MME: variants seen among roughly 807,000 people sequenced by gnomAD.
MME encodes the protein membrane metalloendopeptidase.
A neutral mutation model predicts 113.2 loss-of-function variants in MME; 98 were observed. The ratio of observed to expected loss-of-function variants is 0.87; its 90% CI spans 0.74 to 1.02. MME has a LOEUF of 1.02. Ranked by LOEUF, MME falls within the 50% of genes least tolerant of loss-of-function variation. The pLI is 0.00. For missense variants in MME, 836 were observed against 896.0 expected (o/e 0.93, Z 0.86); for synonymous variants, 292 against 300.6 (o/e 0.97, Z 0.30).
intron 1 of MME, among the ~76,000 whole-genome samples, chr3:155,045,200 G>T (rs1382495381): frequency 6.6e-6 from 1 of 151,186 alleles, no homozygotes; most frequent in Non-Finnish European, 1.5e-5. Flanking sequence ...CGCCAGGCTG[G>T]AGTGCAATGG....
At chr3:155,111,629 T>C (rs941480050) in intron 3 of MME, among the ~76,000 whole-genome samples, 14 of 152,032 alleles carry the variant, frequency 9.2e-5, no homozygotes, top group African/African-American at 2.9e-4. Context: ...TTATTCAGAG[T>C]GTTTAAGGAC....
chr3:155,037,533 G>C (rs1255126930), intron 1 of MME, among the ~76,000 whole-genome samples: 5 of 152,136 alleles, frequency 3.3e-5, no homozygotes, highest in Non-Finnish European at 4.4e-5. Context: ...TTCAAACTGA[G>C]TGAAATCACA....
intron 1 of MME, among the ~76,000 whole-genome samples, chr3:155,057,530 T>C (rs1053856790): frequency 2.0e-5 from 3 of 152,038 alleles, no homozygotes; most frequent in Non-Finnish European, 2.9e-5. Context: ...GTTTAGATGA[T>C]TGTCATCATT....
intron 3 of MME, among the ~76,000 whole-genome samples, chr3:155,100,234 G>A (rs1278811504): frequency 6.6e-6 from 1 of 152,168 alleles, no homozygotes; most frequent in East Asian, 1.9e-4. Flanking sequence ...ATCAAAAAGT[G>A]GGCAAAGGAT....
At chr3:155,033,412 T>C (rs1423305491) in intron 1 of MME, among the ~76,000 whole-genome samples, 1 of 152,176 alleles carries the variant, frequency 6.6e-6, no homozygotes, top group East Asian at 1.9e-4. Context: ...TATTTGCAAG[T>C]TATATGTTTC....
Position 155,144,436 on chromosome 3 carries a change from A to G in MME, c.1395A>G (p.Thr465=). Residue 465 remains threonine, a synonymous_variant, in exon 14 of 23, where the codon ACA becomes ACG. Coordinates refer to ENST00000360490, the MANE Select transcript of MME (RefSeq NM_007289.4). ...LDDLTWMDAE[T]KKRAEEKALA... ...ACCTCACTTGGATGGATGCCGAGAC[A>G]AAAAAGAGAGCTGAAGAAAAGGTAA... The G allele has an allele frequency of 6.2e-7, 1 of 1,611,672 alleles. No homozygotes were observed. The highest frequency in any genetic ancestry group is 2.2e-5 in the East Asian group (1 of 44,754).
At position 155,177,110 on chromosome 3, in the gene MME, C is replaced by T. The variant is rs575769087; in HGVS notation, c.2154-3250C>T. ...AATTTTGAGATTTATAAATATAAAT[C>T]CTAAAAATACTTTTTAAGAAAAATA... On this transcript the variant is annotated intron_variant, in intron 22 of 22. Transcript: ENST00000360490. Among the ~76,000 whole-genome samples the T allele has an allele frequency of 2.6e-5, 4 of 151,984 alleles. No individual in the cohort carries two copies. In the South Asian group the frequency reaches 8.3e-4, roughly 32 times the overall value.
In MME at chr3:155,116,511, G is replaced by A. The variant is rs372337211; in HGVS notation, c.391G>A (p.Val131Ile). 1 of 1,612,694 alleles carries A rather than the reference G, an allele frequency of 6.2e-7. No individual in the cohort carries two copies. ...VLQEPKTEDI[V>I]AVQKAKALYR... ...TCAAGAACCCAAAACTGAAGATATA[G>A]TAGCAGTGCAGAAAGCAAAAGCATT... The change falls in exon 5 of 23, where the codon GTA becomes ATA. Residue 131 changes from valine to isoleucine, a missense_variant. Transcript: ENST00000360490.
At chr3:155,042,677 A>G (rs187858409) in intron 1 of MME, among the ~76,000 whole-genome samples, 1 of 151,904 alleles carries the variant, frequency 6.6e-6, no homozygotes, top group African/African-American at 2.4e-5. Flanking sequence ...TTGGATGTTA[A>G]CAAATGTTTT....
intron 2 of MME, 99 bp downstream of exon 2, chr3:155,084,426 G>A: frequency 8.3e-7 from 1 of 1,198,336 alleles, no homozygotes; most frequent in East Asian, 2.4e-5. Flanking sequence ...TAAGGATAGA[G>A]GCACTTAAAG....
At position 155,143,615 on chromosome 3, in the gene MME, A is replaced by C. The variant is rs781255414; in HGVS notation, c.1317+44A>C. 3 of 1,602,382 alleles carry C rather than the reference A, an allele frequency of 1.9e-6. No individual in the cohort carries two copies. The African/African-American group carries it at 4.0e-5, about 21-fold the overall frequency. On this transcript the variant is annotated intron_variant, in intron 13 of 22. Transcript: ENST00000360490. Reference sequence around the variant, plus strand: ...TACACTGTCAGTTATACAGGACACTATCAGTTTGTTCACACTGATGAGCAA... The same window carrying C: ...TACACTGTCAGTTATACAGGACACTCTCAGTTTGTTCACACTGATGAGCAA...
At position 155,140,195 on chromosome 3, in the gene MME, C is replaced by G. The variant is rs202094946; in HGVS notation, c.860C>G (p.Thr287Arg). 1 of 1,606,850 alleles carries G rather than the reference C, an allele frequency of 6.2e-7. No homozygotes were observed. The highest frequency in any genetic ancestry group is 1.3e-5 in the African/African-American group (1 of 74,706). Reference sequence around the variant, plus strand: ...GATTAAAAATTAAATCCATAGGCTACGGCTAAACCTGAAGATCGAAATGAT... The same window carrying G: ...GATTAAAAATTAAATCCATAGGCTAGGGCTAAACCTGAAGATCGAAATGAT... ...MELEKEIANA[T>R]AKPEDRNDPM... Residue 287 changes from threonine to arginine, a missense_variant, in exon 10 of 23, where the codon ACG becomes AGG. Coordinates refer to ENST00000360490, the MANE Select transcript of MME (RefSeq NM_007289.4).
intron 1 of MME, among the ~76,000 whole-genome samples, chr3:155,031,395 A>T (rs1224291894): frequency 6.6e-6 from 1 of 152,046 alleles, no homozygotes; most frequent in Non-Finnish European, 1.5e-5. Flanking sequence ...AATTCCAAAA[A>T]TTTGCCTAAG....
At chr3:155,046,976 A>G (rs1184520696) in intron 1 of MME, among the ~76,000 whole-genome samples, 1 of 152,226 alleles carries the variant, frequency 6.6e-6, no homozygotes, top group Non-Finnish European at 1.5e-5. Context: ...TAGAAAAGTT[A>G]CAGTAAGCTA....
chr3:155,114,127 A>T (rs1463024967), intron 3 of MME, among the ~76,000 whole-genome samples: 1 of 152,282 alleles, frequency 6.6e-6, no homozygotes, highest in East Asian at 1.9e-4. Context: ...ATGAATTCTC[A>T]ATTGCTCTTT....
intron 1 of MME, among the ~76,000 whole-genome samples, chr3:155,074,526 C>T (rs1450780658): frequency 6.6e-6 from 1 of 151,802 alleles, no homozygotes; most frequent in African/African-American, 2.4e-5. Context: ...CCGCTTCCCA[C>T]ATTCAAGCGA....
rs905332310 is a variant in MME, at chr3:155,166,802, A to G, written c.1661-100A>G. On this transcript the variant is annotated intron_variant, in intron 17 of 22. Transcript: ENST00000360490. ...TAATGCCATGGTGGCATGCGCCTGT[A>G]GTCCCAGCTACTCCTGAGGAGGGAG... is the stretch of plus-strand genomic sequence containing the variant. The G allele has an allele frequency of 5.5e-6, 8 of 1,461,400 alleles. No homozygotes were observed. In the Admixed American group the frequency reaches 1.2e-4, roughly 22 times the overall value. 90.5% of individuals were successfully genotyped at this position (1,461,400 alleles called of 1,614,324 possible).
At chr3:155,125,607 C>A (rs930186659) in intron 8 of MME, among the ~76,000 whole-genome samples, 7 of 151,534 alleles carry the variant, frequency 4.6e-5, no homozygotes, top group African/African-American at 1.7e-4. Flanking sequence ...ATTACAGGTG[C>A]CCGCCACCGC....
At chr3:155,033,841 A>T (rs748550586) in intron 1 of MME, among the ~76,000 whole-genome samples, 7 of 152,174 alleles carry the variant, frequency 4.6e-5, no homozygotes, top group Admixed American at 2.0e-4. Flanking sequence ...TAACCACCAA[A>T]AGCCTAATTA....
Sources: allele counts gnomAD v4.1 joint callset (sites outside exome capture counted in the v4.1 genomes callset), GRCh38; gene constraint gnomAD v4.1.1; transcripts MANE v1.5; gene names NCBI Gene and HGNC (gene_info 2026-07-23, HGNC 2026-07-21).